The following MPLKIP variants were observed in gnomAD, a reference collection of about 807,000 sequenced individuals.
The protein encoded by MPLKIP is M-phase-specific PLK1-interacting protein.
In MPLKIP, 16 loss-of-function variants were observed where a neutral mutation model predicts 16.9. The ratio of observed to expected loss-of-function variants is 0.94; its 90% CI spans 0.64 to 1.43. The LOEUF (loss-of-function observed/expected upper bound fraction) is 1.43. Ranked by LOEUF, MPLKIP falls within the 40% of genes most tolerant of loss-of-function variation. MPLKIP has a pLI of 0.00. For synonymous variants in MPLKIP, 126 were observed against 98.4 expected (o/e 1.28, Z -1.66); for missense variants, 282 against 237.6 (o/e 1.19, Z -1.23).
rs776223533 is a variant in MPLKIP, at chr7:40,131,410, C to T, written c.*1649G>A. The T allele has an allele frequency of 6.6e-6, 1 of 152,060 alleles. No individual in the cohort carries two copies. Among genetic ancestry groups the T allele is most frequent in the African/African-American group, 2.4e-5 (1 of 41,350 alleles). The allele number at this position is 152,060 out of a possible 1,614,324, so 9.4% of individuals were successfully genotyped here. ...GAGTCTGTGTTACATGTTAAAACAC[C>T]TGATTTTGGCCGGGCATGGTGGCTC... On this transcript the variant is annotated 3_prime_UTR_variant, in exon 2 of 2. Transcript: ENST00000306984.
chr7:40,130,447 G>A lies in MPLKIP; in HGVS notation c.*2612C>T, dbSNP rs1787446155. 6.6e-6 allele frequency: 1 copy of A among 152,078 alleles called. No individual in the cohort carries two copies. The highest frequency in any genetic ancestry group is 1.5e-5 in the Non-Finnish European group (1 of 67,996). The allele number at this position is 152,078 out of a possible 1,614,324, so 9.4% of individuals were successfully genotyped here. A position where few individuals can be genotyped will look rare whatever the true frequency, so the allele number is the denominator to read the frequency against. On this transcript the variant is annotated 3_prime_UTR_variant, in exon 2 of 2. Coordinates refer to ENST00000306984, the MANE Select transcript of MPLKIP (RefSeq NM_138701.4). ...CAAAAATTTTTCTTAAAAAACTCAG[G>A]CCAGGTCTCTAGAAGTAGATGTTGG... is the stretch of plus-strand genomic sequence containing the variant.
At position 40,128,915 on chromosome 7, in the gene MPLKIP, C is replaced by CCAAAA. The variant is rs1554342326; in HGVS notation, c.*4143_*4144insTTTTG. ...TGGGTGACAGAACAAGACTTCGTCT[C>CCAAAA]AAAAAAAAAAAAAAAAAAAAAAGAA... On this transcript the variant is annotated 3_prime_UTR_variant, in exon 2 of 2. Transcript: ENST00000306984. 5.5e-4 allele frequency: 34 copies of CCAAAA among 62,370 alleles called. No individual in the cohort carries two copies. The highest frequency in any genetic ancestry group is 2.7e-4 in the Non-Finnish European group (9 of 33,846). 3.9% of individuals were successfully genotyped at this position (62,370 alleles called of 1,614,324 possible).
intron 1 of MPLKIP, 81 bp from the exon 2 acceptor site, chr7:40,133,340 C>G: frequency 1.6e-6 from 2 of 1,212,888 alleles, no homozygotes; most frequent in Non-Finnish European, 2.4e-6. Flanking sequence ...TAGCGGGAAT[C>G]ACATTGCTGC....
chr7:40,133,360 G>T, intron 1 of MPLKIP, 101 bp from the exon 2 acceptor site: 2 of 1,028,086 alleles, frequency 1.9e-6, no homozygotes, highest in Non-Finnish European at 3.0e-6. Context: ...CTTAAAAGTT[G>T]TGACTTGAAC....
rs1787442832 is a variant in MPLKIP at position 40,130,128 on chromosome 7, G to A, written c.*2931C>T. 6.6e-6 allele frequency: 1 copy of A among 152,186 alleles called. No homozygotes were observed. The highest frequency in any genetic ancestry group is 6.6e-5 in the Admixed American group (1 of 15,264). 9.4% of individuals were successfully genotyped at this position (152,186 alleles called of 1,614,324 possible). On this transcript the variant is annotated 3_prime_UTR_variant, in exon 2 of 2. Coordinates refer to ENST00000306984, the MANE Select transcript of MPLKIP (RefSeq NM_138701.4). The stretch of plus-strand genomic sequence containing the variant: ...GAAAGTTTAATATTCCCAGGAGTAT[G>A]TAGACCCTTGTTTGAAGACTCTACT...
At position 40,129,804 on chromosome 7, in the gene MPLKIP, G is replaced by T. The variant is rs1253608420; in HGVS notation, c.*3255C>A. 2.6e-5 allele frequency: 4 copies of T among 151,056 alleles called. No individual in the cohort carries two copies. Among genetic ancestry groups the T allele is most frequent in the African/African-American group, 7.3e-5 (3 of 41,022 alleles). The allele number at this position is 151,056 out of a possible 1,614,324, so 9.4% of individuals were successfully genotyped here. A position where few individuals can be genotyped will look rare whatever the true frequency, so the allele number is the denominator to read the frequency against. ...ACTCTTTGAAAAAAAAAAAAAGTCT[G>T]TTAATGTTCAAAGGGAAGGGACGTA... On this transcript the variant is annotated 3_prime_UTR_variant, in exon 2 of 2. Transcript: ENST00000306984.
In MPLKIP at chr7:40,130,579, A is replaced by T. The variant is rs1787448524; in HGVS notation, c.*2480T>A. ...ACAGTTTGAATGTCTTCCAAATATGATATAAATACACTGGCACAAAATCCT... is the reference window on the plus strand; with the variant it reads ...ACAGTTTGAATGTCTTCCAAATATGTTATAAATACACTGGCACAAAATCCT... On this transcript the variant is annotated 3_prime_UTR_variant, in exon 2 of 2. Coordinates refer to ENST00000306984, the MANE Select transcript of MPLKIP (RefSeq NM_138701.4). 6.6e-6 allele frequency: 1 copy of T among 152,230 alleles called. No individual in the cohort carries two copies. The highest frequency in any genetic ancestry group is 2.4e-5 in the African/African-American group (1 of 41,464). The allele number at this position is 152,230 out of a possible 1,614,324, so 9.4% of individuals were successfully genotyped here. A position where few individuals can be genotyped will look rare whatever the true frequency, so the allele number is the denominator to read the frequency against.
chr7:40,132,906 T>G lies in MPLKIP; in HGVS notation c.*153A>C, dbSNP rs12146. 0.014 allele frequency: 9,780 copies of G among 715,154 alleles called. 689 individuals are homozygous for G. The African/African-American group carries it at 0.15, about 11-fold the overall frequency. 44.3% of individuals were successfully genotyped at this position (715,154 alleles called of 1,614,324 possible). ...AGTTATCCTACTTTTTTCTCTAATA[T>G]CAACAATACCTGATACGATGAAAAA... is the stretch of plus-strand genomic sequence containing the variant. On this transcript the variant is annotated 3_prime_UTR_variant, in exon 2 of 2. Coordinates refer to ENST00000306984, the MANE Select transcript of MPLKIP (RefSeq NM_138701.4).
chr7:40,131,142 C>A lies in MPLKIP; in HGVS notation c.*1917G>T, dbSNP rs1180416668. On this transcript the variant is annotated 3_prime_UTR_variant, in exon 2 of 2. Transcript: ENST00000306984. ...AAATTGAGGCATAGAGAAGTGAACT[C>A]ATCCAGCTAGTAACTTGTAGAAACA... is the stretch of plus-strand genomic sequence containing the variant. 6.6e-6 allele frequency: 1 copy of A among 151,504 alleles called. No individual in the cohort carries two copies. The highest frequency in any genetic ancestry group is 1.9e-4 in the East Asian group (1 of 5,194). The allele number at this position is 151,504 out of a possible 1,614,324, so 9.4% of individuals were successfully genotyped here. A position where few individuals can be genotyped will look rare whatever the true frequency, so the allele number is the denominator to read the frequency against.
At position 40,132,570 on chromosome 7, in the gene MPLKIP, T is replaced by C. The variant is rs146807582; in HGVS notation, c.*489A>G. On this transcript the variant is annotated 3_prime_UTR_variant, in exon 2 of 2. Transcript: ENST00000306984. ...AATGAGTATGAACAGAACTCTGTTA[T>C]TCTCATCCTCATTATTTACGAACAA... 1 of 191,864 alleles carries C rather than the reference T, an allele frequency of 5.2e-6. No individual in the cohort carries two copies. The highest frequency in any genetic ancestry group is 1.1e-5 in the Non-Finnish European group (1 of 91,630). 11.9% of individuals were successfully genotyped at this position (191,864 alleles called of 1,614,324 possible). A position where few individuals can be genotyped will look rare whatever the true frequency, so the allele number is the denominator to read the frequency against.
At position 40,127,797 on chromosome 7, in the gene MPLKIP, C is replaced by G. The variant is rs528628220; in HGVS notation, c.*5262G>C. On this transcript the variant is annotated 3_prime_UTR_variant, in exon 2 of 2. Transcript: ENST00000306984. ...CTGCCTCACCCATGTAAGCCCAGCA[C>G]TTTGGGAGGCTGAGGTGGGTGGATC... 1.3e-5 allele frequency: 2 copies of G among 152,070 alleles called. No individual in the cohort carries two copies. Among genetic ancestry groups the G allele is most frequent in the African/African-American group, 4.8e-5 (2 of 41,478 alleles). 9.4% of individuals were successfully genotyped at this position (152,070 alleles called of 1,614,324 possible).
At position 40,131,003 on chromosome 7, in the gene MPLKIP, GCTTACTATGTGC is replaced by G. The variant is rs1399596786; in HGVS notation, c.*2044_*2055del. ...AAGTAACAGCTACCACTTATTGAGT[GCTTACTATGTGC>G]CAGGCTCTGGCTTAAGAGTTTCATA... On this transcript the variant is annotated 3_prime_UTR_variant, in exon 2 of 2. Transcript: ENST00000306984. 3.9e-5 allele frequency: 6 copies of G among 152,176 alleles called. No homozygotes were observed. The allele number at this position is 152,176 out of a possible 1,614,324, so 9.4% of individuals were successfully genotyped here.
In MPLKIP at chr7:40,133,265, G is replaced by C; in HGVS notation, c.340-6C>G. 6.2e-7 allele frequency: 1 copy of C among 1,607,882 alleles called. No individual in the cohort carries two copies. Among genetic ancestry groups the C allele is most frequent in the Non-Finnish European group, 8.5e-7 (1 of 1,178,056 alleles). On this transcript the variant is annotated splice_polypyrimidine_tract_variant and splice_region_variant and intron_variant, in intron 1 of 1. Coordinates refer to ENST00000306984, the MANE Select transcript of MPLKIP (RefSeq NM_138701.4). ...GTAGATGTCCTTGGAGAACCCTTTA[G>C]AAAAAAAATCAGTTAAAAAAACACT... is the stretch of plus-strand genomic sequence containing the variant.
intron 1 of MPLKIP, 24 bp downstream of exon 1, chr7:40,134,205 G>A (rs1787541678): frequency 6.5e-7 from 1 of 1,549,064 alleles, no homozygotes. Context: ...TAAGAGCTCG[G>A]CAAACGCTGG....
chr7:40,134,202 T>A, intron 1 of MPLKIP, 27 bp downstream of exon 1: 1 of 1,548,526 alleles, frequency 6.5e-7, no homozygotes, highest in Non-Finnish European at 8.7e-7. Flanking sequence ...AAGTAAGAGC[T>A]CGGCAAACGC....
chr7:40,133,367 G>T, intron 1 of MPLKIP, 108 bp from the exon 2 acceptor site: 1 of 949,104 alleles, frequency 1.1e-6, no homozygotes, highest in South Asian at 1.3e-5. Flanking sequence ...GTTGTGACTT[G>T]AACCTAAATA....
chr7:40,133,236 T>C lies in MPLKIP; in HGVS notation c.363A>G (p.Pro121=), dbSNP rs1430692336. ...HPQGSPRTST[P]FGSGRVREKR... ...TTTCTCTAACACGCCCTGATCCAAA[T>C]GGTGTAGATGTCCTTGGAGAACCCT... is the stretch of plus-strand genomic sequence containing the variant. Residue 121 remains proline (P), a synonymous_variant, in exon 2 of 2, where the codon CCA becomes CCG. Coordinates refer to ENST00000306984, the MANE Select transcript of MPLKIP (RefSeq NM_138701.4). 1.2e-6 allele frequency: 2 copies of C among 1,613,436 alleles called. No individual in the cohort carries two copies. Among genetic ancestry groups the C allele is most frequent in the Admixed American group, 1.7e-5 (1 of 60,004 alleles).
At position 40,134,522 on chromosome 7, in the gene MPLKIP, G is replaced by T; in HGVS notation, c.46C>A (p.Pro16Thr). The part of the protein sequence containing the change: ...FRPPTPPYPG[P>T]GGGGWGSGSS... ...CCGCTACCCCAACCTCCTCCACCCGGACCAGGGTAAGGAGGAGTTGGGGGC... is the reference window on the plus strand; with the variant it reads ...CCGCTACCCCAACCTCCTCCACCCGTACCAGGGTAAGGAGGAGTTGGGGGC... The change falls in exon 1 of 2, where the codon CCG becomes ACG. Residue 16 changes from proline to threonine, a missense_variant. By Grantham distance (38) the Pro-to-Thr change is conservative. Transcript: ENST00000306984. 6.3e-7 allele frequency: 1 copy of T among 1,594,904 alleles called. No homozygotes were observed.
At position 40,133,221 on chromosome 7, in the gene MPLKIP, A is replaced by C. The variant is rs1354098982; in HGVS notation, c.378T>G (p.Arg126=). 1 of 1,613,580 alleles carries C rather than the reference A, an allele frequency of 6.2e-7. No individual in the cohort carries two copies. Among genetic ancestry groups the C allele is most frequent in the Admixed American group, 1.7e-5 (1 of 60,006 alleles). ...CATTAGACATTCTTTTTTCTCTAAC[A>C]CGCCCTGATCCAAATGGTGTAGATG... is the stretch of plus-strand genomic sequence containing the variant. The part of the protein sequence containing the change: ...PRTSTPFGSG[R]VREKRMSNEL... Residue 126 remains arginine, a synonymous_variant, in exon 2 of 2, where the codon CGT becomes CGG. Transcript: ENST00000306984.
Sources: allele counts gnomAD v4.1 joint callset, GRCh38; gene constraint gnomAD v4.1.1; transcripts MANE v1.5; gene names NCBI Gene and HGNC (gene_info 2026-07-23, HGNC 2026-07-21).